The following NR3C2 variants were observed in gnomAD, a reference collection of about 807,000 sequenced individuals.
NR3C2 encodes the protein nuclear receptor subfamily 3 group C member 2, also known as mineralocorticoid receptor.
Under a neutral mutation model 86.4 loss-of-function variants are expected in NR3C2, and 15 were observed. The ratio of observed to expected loss-of-function variants is 0.17; its 90% CI spans 0.12 to 0.27. NR3C2 has a LOEUF of 0.27. NR3C2 is among the 10% of genes least tolerant of loss of function. NR3C2 has a pLI of 1.00. For synonymous variants in NR3C2, 458 were observed against 450.5 expected, an observed-to-expected ratio of 1.02 and a Z score of -0.21; for missense variants, 960 against 1,195.6, an observed-to-expected ratio of 0.80 and a Z score of 2.91.
intron 2 of NR3C2, among the ~76,000 whole-genome samples, chr4:148,340,715 G>A (rs1744709860): frequency 6.6e-6 from 1 of 151,982 alleles, no homozygotes; most frequent in South Asian, 2.1e-4. Flanking sequence ...TTTTTGCAAA[G>A]TATCCATGAA....
At chr4:148,094,159 C>T (rs954664801) in intron 8 of NR3C2, among the ~76,000 whole-genome samples, 1 of 152,112 alleles carries the variant, frequency 6.6e-6, no homozygotes, top group African/African-American at 2.4e-5. Flanking sequence ...GCATTTCACA[C>T]CCATTAGGAT....
At chr4:148,084,223 C>T (rs560187353) in intron 8 of NR3C2, among the ~76,000 whole-genome samples, 12 of 151,994 alleles carry the variant, frequency 7.9e-5, no homozygotes, top group African/African-American at 2.2e-4. Flanking sequence ...TAGTCAGATT[C>T]GCCAAGGTTG....
intron 2 of NR3C2, among the ~76,000 whole-genome samples, chr4:148,373,470 C>CTTTTTTTTTTTT (rs774726733): frequency 7.7e-6 from 1 of 129,796 alleles, no homozygotes. Context: ...TAAAGGATGA[C>CTTTTTTTTTTTT]TTTTTTTTTC....
chr4:148,115,316 A>G (rs1399259679), intron 7 of NR3C2, among the ~76,000 whole-genome samples: 1 of 152,208 alleles, frequency 6.6e-6, no homozygotes. Flanking sequence ...TTAAGAAATG[A>G]AGTCCAGGTT....
intron 3 of NR3C2, among the ~76,000 whole-genome samples, chr4:148,235,128 T>C (rs1028870412): frequency 6.6e-6 from 1 of 152,084 alleles, no homozygotes; most frequent in Non-Finnish European, 1.5e-5. Context: ...GGTGCTTCCT[T>C]GGTTCTTGAT....
intron 3 of NR3C2, among the ~76,000 whole-genome samples, chr4:148,231,986 T>C (rs1738488015): frequency 6.6e-6 from 1 of 152,228 alleles, no homozygotes; most frequent in South Asian, 2.1e-4. Context: ...GGTCCACTTC[T>C]ATTTCTAGTT....
At chr4:148,162,424 T>C (rs182362845) in intron 4 of NR3C2, among the ~76,000 whole-genome samples, 5 of 152,046 alleles carry the variant, frequency 3.3e-5, no homozygotes, top group Admixed American at 2.0e-4. Flanking sequence ...TTAATGCCAA[T>C]CAAACTCAGG....
chr4:148,122,080 A>AT (rs1050179183), intron 6 of NR3C2, among the ~76,000 whole-genome samples: 3 of 151,814 alleles, frequency 2.0e-5, no homozygotes, highest in African/African-American at 4.8e-5. Context: ...ATCCAATTTC[A>AT]TTTTTTTTCT....
Position 148,079,406 on chromosome 4 carries a change from G to C in NR3C2, c.*1938C>G, listed in dbSNP as rs1440637506. ...TTTGAAAGACAAGGTAATGTTGCCT[G>C]CATGGTGAACCCTGGAGAAAAGTGT... On this transcript the variant is annotated 3_prime_UTR_variant, in exon 9 of 9. Transcript: ENST00000358102. 6.6e-6 allele frequency: 1 copy of C among 152,320 alleles called. No homozygotes were observed. The highest frequency in any genetic ancestry group is 1.9e-4 in the East Asian group (1 of 5,202). 9.4% of individuals were successfully genotyped at this position (152,320 alleles called of 1,614,324 possible).
At chr4:148,311,396 C>G (rs1168373054) in intron 2 of NR3C2, among the ~76,000 whole-genome samples, 1 of 152,214 alleles carries the variant, frequency 6.6e-6, no homozygotes, top group Non-Finnish European at 1.5e-5. Flanking sequence ...TTAATGACAA[C>G]TGCATTCTTG....
chr4:148,239,986 A>C (rs1431101196), intron 3 of NR3C2, among the ~76,000 whole-genome samples: 2 of 152,062 alleles, frequency 1.3e-5, no homozygotes, highest in Non-Finnish European at 2.9e-5. Context: ...GCACAGCAGG[A>C]GGTCATGTGT....
intron 6 of NR3C2, among the ~76,000 whole-genome samples, chr4:148,140,101 C>G (rs1733538126): frequency 6.6e-6 from 1 of 152,168 alleles, no homozygotes; most frequent in African/African-American, 2.4e-5. Context: ...GAGTCTGGAG[C>G]CTTCCTTTGT....
chr4:148,159,625 G>C (rs1000002470), intron 4 of NR3C2, among the ~76,000 whole-genome samples: 3 of 152,214 alleles, frequency 2.0e-5, no homozygotes, highest in African/African-American at 7.2e-5. Context: ...TTTGAATCCA[G>C]CTAGGGCTCA....
At chr4:148,163,177 C>T (rs537156735) in intron 4 of NR3C2, among the ~76,000 whole-genome samples, 1 of 152,250 alleles carries the variant, frequency 6.6e-6, no homozygotes, top group South Asian at 2.1e-4. Context: ...ATGGAGAAAG[C>T]TTGGAATGTA....
intron 2 of NR3C2, among the ~76,000 whole-genome samples, chr4:148,357,114 T>C (rs551023927): frequency 3.7e-4 from 57 of 152,270 alleles, no homozygotes; most frequent in Middle Eastern, 3.4e-3. Flanking sequence ...AATCCCATGG[T>C]AGATAATGGA....
At chr4:148,141,756 T>C (rs867817471) in intron 6 of NR3C2, among the ~76,000 whole-genome samples, 10 of 152,062 alleles carry the variant, frequency 6.6e-5, no homozygotes, top group South Asian at 2.1e-4. Context: ...TAAATTCTCA[T>C]AGGACTGCGA....
chr4:148,419,015 T>C (rs1436517284), intron 2 of NR3C2, among the ~76,000 whole-genome samples: 1 of 152,180 alleles, frequency 6.6e-6, no homozygotes, highest in Non-Finnish European at 1.5e-5. Context: ...TACACACTCT[T>C]TAACCCTCAT....
intron 2 of NR3C2, among the ~76,000 whole-genome samples, chr4:148,366,990 G>A (rs1368782767): frequency 6.6e-6 from 1 of 152,096 alleles, no homozygotes; most frequent in East Asian, 1.9e-4. Context: ...GGTATGCTAA[G>A]CCTGTATACT....
intron 4 of NR3C2, among the ~76,000 whole-genome samples, chr4:148,175,875 A>G (rs574247459): frequency 6.6e-6 from 1 of 152,372 alleles, no homozygotes; most frequent in East Asian, 1.9e-4. Flanking sequence ...ATGTGCCTGT[A>G]GTCCCAGCTA....
Sources: allele counts gnomAD v4.1 joint callset (sites outside exome capture counted in the v4.1 genomes callset), GRCh38; gene constraint gnomAD v4.1.1; transcripts MANE v1.5; gene names NCBI Gene and HGNC (gene_info 2026-07-23, HGNC 2026-07-21).